The following AHNAK variants were observed in gnomAD, a reference collection of about 807,000 sequenced individuals.
The protein encoded by AHNAK is AHNAK nucleoprotein, also known as neuroblast differentiation-associated protein AHNAK.
AHNAK carries 23 observed loss-of-function variants against 37.8 expected under a neutral mutation model. That is an observed-to-expected ratio of 0.61 (90% confidence interval 0.44 to 0.86). The LOEUF (loss-of-function observed/expected upper bound fraction) is 0.86. Ranked by LOEUF, AHNAK falls within the 40% of genes least tolerant of loss-of-function variation. AHNAK has a pLI of 0.00. For missense variants in AHNAK, 7,411 were observed against 7,319.4 expected (o/e 1.01, Z -0.46); for synonymous variants, 2,481 against 2,636.3 (o/e 0.94, Z 1.80).
chr11:62,482,412 C>CAA (rs11389683), intron 5 of AHNAK, among the ~76,000 whole-genome samples: 8,325 of 149,160 alleles, frequency 0.056, 302 homozygotes, highest in Non-Finnish European at 0.083. Context: ...GAGACTGTCT[C>CAA]AAAAAAAAAA....
chr11:62,530,487 C>T lies in AHNAK; in HGVS notation c.3930G>A (p.Lys1310=), dbSNP rs1462191434. The change falls in exon 5 of 5, where the codon AAG becomes AAA. Residue 1310 remains lysine (K), a synonymous_variant. Transcript: ENST00000378024. ...EGPEGKLKGP[K]FKMPEMHFKA... is the part of the protein sequence containing the mutation. ...TGAAGTGCATCTCAGGCATCTTAAA[C>T]TTGGGGCCCTTCAGCTTTCCTTCCG... The T allele has an allele frequency of 3.1e-6, 5 of 1,612,862 alleles. No homozygotes were observed. The highest frequency in any genetic ancestry group is 1.7e-6 in the Non-Finnish European group (2 of 1,179,740).
rs1206556722 is a variant in AHNAK, at chr11:62,546,749, G to T, written c.-189C>A. 1 of 152,884 alleles carries T rather than the reference G, an allele frequency of 6.5e-6. No homozygotes were observed. Among genetic ancestry groups the T allele is most frequent in the African/African-American group, 2.4e-5 (1 of 41,470 alleles). The allele number at this position is 152,884 out of a possible 1,614,324, so 9.5% of individuals were successfully genotyped here. On this transcript the variant is annotated 5_prime_UTR_variant, in exon 1 of 5. Coordinates refer to ENST00000378024, the MANE Select transcript of AHNAK (RefSeq NM_001620.3). ...TACTGGCGGCGACGAGCCCCGTTCC[G>T]GGCGGGTCTGGCAGGGCGGGCGGTG...
At chr11:62,488,902 G>C (rs935198299) in intron 5 of AHNAK, among the ~76,000 whole-genome samples, 3 of 152,034 alleles carry the variant, frequency 2.0e-5, no homozygotes, top group Non-Finnish European at 4.4e-5. Flanking sequence ...GTGGTTCAAA[G>C]GCCCAGGAAG....
chr11:62,513,467 G>A (rs1329468757), downstream of AHNAK, among the ~76,000 whole-genome samples: 7 of 152,242 alleles, frequency 4.6e-5, no homozygotes, highest in South Asian at 2.1e-4. Context: ...CCCGGGAGGC[G>A]GAGTTTGCAG....
chr11:62,532,031 C>T lies in AHNAK; in HGVS notation c.2386G>A (p.Glu796Lys). The change falls in exon 5 of 5, where the codon GAA (glutamate) becomes AAA (lysine). Residue 796 changes from glutamate to lysine, a missense_variant. Physicochemically the swap from Glu to Lys is moderately conservative, Grantham distance 56. Transcript: ENST00000378024. ...GGCCCTTTCAATTTCCCTTCTGGTT[C>T]CTCAATGCTCACATCAGGAGCAGTA... ...DVTAPDVSIE[E>K]PEGKLKGPKF... 3 of 1,613,540 alleles carry T rather than the reference C, an allele frequency of 1.9e-6. No individual in the cohort carries two copies. The highest frequency in any genetic ancestry group is 1.1e-5 in the South Asian group (1 of 91,048).
chr11:62,455,671 C>T (rs1283537210), intron 5 of AHNAK, among the ~76,000 whole-genome samples: 1 of 151,772 alleles, frequency 6.6e-6, no homozygotes, highest in African/African-American at 2.4e-5. Context: ...CGCCATTGCA[C>T]TCCAACCTGG....
intron 5 of AHNAK, among the ~76,000 whole-genome samples, chr11:62,434,487 C>G (rs757619603): frequency 1.3e-5 from 2 of 152,120 alleles, no homozygotes; most frequent in African/African-American, 4.8e-5. Flanking sequence ...TCATCCCCAT[C>G]GGACTCCCAT....
Position 62,520,203 on chromosome 11 carries a change from A to T in AHNAK, c.14214T>A (p.Asp4738Glu), listed in dbSNP as rs763600606. 1.2e-6 allele frequency: 2 copies of T among 1,612,550 alleles called. No individual in the cohort carries two copies. The highest frequency in any genetic ancestry group is 1.7e-6 in the Non-Finnish European group (2 of 1,179,696). Reference sequence around the variant, plus strand: ...CCACTTTAGGAAGGGTAACATCCACATCGCCCTTCACTTTGGGTCCTTTCA... The same window carrying T: ...CCACTTTAGGAAGGGTAACATCCACTTCGCCCTTCACTTTGGGTCCTTTCA... The part of the protein sequence containing the change: ...LNLKGPKVKG[D>E]VDVTLPKVEG... Residue 4738 changes from aspartate to glutamate, a missense_variant, in exon 5 of 5, where the codon GAT (aspartate) becomes GAA (glutamate). Asp to Glu is a conservative substitution (Grantham distance 45). Coordinates refer to ENST00000378024, the MANE Select transcript of AHNAK (RefSeq NM_001620.3).
rs1940234857 is a variant in AHNAK, at chr11:62,521,407, T to G, written c.13010A>C (p.Asp4337Ala). Residue 4337 changes from aspartate (D) to alanine (A), a missense_variant, in exon 5 of 5, where the codon GAT becomes GCT. Asp to Ala is a moderately radical substitution (Grantham distance 126). Transcript: ENST00000378024. ...AATGTCAGCCTTAGGAAGGGTAACA[T>G]CCACATCTGGGCCCTCTCCTTTGAA... ...PGFKGEGPDV[D>A]VTLPKADIEI... 1 of 1,614,076 alleles carries G rather than the reference T, an allele frequency of 6.2e-7. No homozygotes were observed. Among genetic ancestry groups the G allele is most frequent in the African/African-American group, 1.3e-5 (1 of 74,996 alleles).
chr11:62,525,795 G>A lies in AHNAK; in HGVS notation c.8622C>T (p.Pro2874=). ...CATCTGGGACATCAATGTCCACTTTGGGGCCTTTGAGGTCAACTTCAGGAC... is the reference window on the plus strand; with the variant it reads ...CATCTGGGACATCAATGTCCACTTTAGGGCCTTTGAGGTCAACTTCAGGAC... ...LKGPEVDLKG[P]KVDIDVPDVN... The change falls in exon 5 of 5, where the codon CCC becomes CCT. Residue 2874 remains proline (P), a synonymous_variant. Coordinates refer to ENST00000378024, the MANE Select transcript of AHNAK (RefSeq NM_001620.3). The A allele has an allele frequency of 1.9e-6, 3 of 1,612,704 alleles. No individual in the cohort carries two copies. The highest frequency in any genetic ancestry group is 1.7e-6 in the Non-Finnish European group (2 of 1,179,622).
chr11:62,515,745 A>C (rs1210441393), downstream of AHNAK, among the ~76,000 whole-genome samples: 2 of 152,174 alleles, frequency 1.3e-5, no homozygotes, highest in African/African-American at 4.8e-5. Flanking sequence ...TCAAGAAGCA[A>C]AGATTTTCTC....
At chr11:62,534,109 G>C (rs749498058) in intron 4 of AHNAK, 35 bp from the exon 5 acceptor site, 3 of 1,509,326 alleles carry the variant, frequency 2.0e-6, no homozygotes, top group Non-Finnish European at 2.6e-6. Context: ...GGTTGCAGCA[G>C]AGTCTGCCTG....
In AHNAK at chr11:62,528,034, C is replaced by T. The variant is rs143740534; in HGVS notation, c.6383G>A (p.Gly2128Asp). ...SMPDVDLHLK[G>D]PKVKGDVDVS... is the part of the protein sequence containing the mutation. The stretch of plus-strand genomic sequence containing the variant: ...ATCCACATCCCCTTTGACTTTGGGG[C>T]CTTTCAAGTGTAAGTCCACATCAGG... The change falls in exon 5 of 5, where the codon GGC becomes GAC. Residue 2128 changes from glycine to aspartate, a missense_variant. Transcript: ENST00000378024. 67 of 1,613,864 alleles carry T rather than the reference C, an allele frequency of 4.2e-5. No homozygotes were observed. Among genetic ancestry groups the T allele is most frequent in the Non-Finnish European group, 5.5e-5 (65 of 1,180,016 alleles).
chr11:62,454,641 T>A (rs1272874966), intron 5 of AHNAK, among the ~76,000 whole-genome samples: 3 of 151,994 alleles, frequency 2.0e-5, no homozygotes, highest in African/African-American at 7.3e-5. Flanking sequence ...GGTAAGGAGA[T>A]GTCAAGCCCA....
In AHNAK at chr11:62,527,759, T is replaced by G. The variant is rs1940553715; in HGVS notation, c.6658A>C (p.Ile2220Leu). ...TCAATGTCCACTTTGGGCCCTCTGA[T>G]GTCAACATCTGGCACTTTCATTTCA... ...EGEMKVPDVDIRGPKVDIDAP... is the reference protein window; with the variant it reads ...EGEMKVPDVDLRGPKVDIDAP... The change falls in exon 5 of 5, where the codon ATC becomes CTC. Residue 2220 changes from isoleucine (I) to leucine (L), a missense_variant. Ile to Leu is a conservative substitution (Grantham distance 5). Coordinates refer to ENST00000378024, the MANE Select transcript of AHNAK (RefSeq NM_001620.3). 1 of 1,614,092 alleles carries G rather than the reference T, an allele frequency of 6.2e-7. No homozygotes were observed. The highest frequency in any genetic ancestry group is 8.5e-7 in the Non-Finnish European group (1 of 1,180,026).
chr11:62,532,345 C>T lies in AHNAK; in HGVS notation c.2072G>A (p.Ser691Asn). 1 of 1,614,186 alleles carries T rather than the reference C, an allele frequency of 6.2e-7. No individual in the cohort carries two copies. Among genetic ancestry groups the T allele is most frequent in the Non-Finnish European group, 8.5e-7 (1 of 1,180,040 alleles). Residue 691 changes from serine (S) to asparagine (N), a missense_variant, in exon 5 of 5, where the codon AGT becomes AAT. Ser to Asn is a conservative substitution (Grantham distance 46, BLOSUM62 1). Transcript: ENST00000378024. ...KGPDVKLPDM[S>N]VKTPKISMPD... ...CATGGAGATCTTTGGTGTCTTGACA[C>T]TCATATCAGGCAGCTTAACATCGGG...
intron 4 of AHNAK, among the ~76,000 whole-genome samples, chr11:62,497,535 C>T (rs1229416259): frequency 6.6e-6 from 1 of 152,200 alleles, no homozygotes; most frequent in Non-Finnish European, 1.5e-5. Context: ...TTATGTAAAA[C>T]AGTTACTAAG....
In AHNAK at chr11:62,516,867, C is replaced by A; in HGVS notation, c.17550G>T (p.Gly5850=). 1 of 1,614,152 alleles carries A rather than the reference C, an allele frequency of 6.2e-7. No individual in the cohort carries two copies. Among genetic ancestry groups the A allele is most frequent in the Non-Finnish European group, 8.5e-7 (1 of 1,180,026 alleles). Residue 5850 remains glycine (G), a synonymous_variant, in exon 5 of 5, where the codon GGG becomes GGT. Transcript: ENST00000378024. ...GSDDETGKLQ[G]SGVSLASKKS... is the part of the protein sequence containing the mutation. ...TCTTAGAGGCCAGGGACACCCCACT[C>A]CCCTGTAACTTGCCTGTCTCATCAT...
chr11:62,509,610 CA>C (rs986691263), intron 4 of AHNAK, among the ~76,000 whole-genome samples: 18 of 151,672 alleles, frequency 1.2e-4, no homozygotes, highest in African/African-American at 4.4e-4. Flanking sequence ...AGGTCATCAA[CA>C]ATTGAACCCC....
Sources: allele counts gnomAD v4.1 joint callset (sites outside exome capture counted in the v4.1 genomes callset), GRCh38; gene constraint gnomAD v4.1.1; transcripts MANE v1.5; gene names NCBI Gene and HGNC (gene_info 2026-07-23, HGNC 2026-07-21).